JAG1: variants seen among roughly 807,000 people sequenced by gnomAD.
The protein encoded by JAG1 is protein jagged-1.
In JAG1, 23 loss-of-function variants were observed where a neutral mutation model predicts 148.7. That is an observed-to-expected ratio of 0.15 (90% CI 0.11 to 0.22). The LOEUF (loss-of-function observed/expected upper bound fraction) is 0.22. Among genes scored for constraint, JAG1 ranks in the 10% least tolerant of loss-of-function variants. The pLI is 1.00. For synonymous variants in JAG1, 572 were observed against 598.3 expected (o/e 0.96, Z 0.64); for missense variants, 1,054 against 1,611.2 (o/e 0.65, Z 5.92).
chr20:10,671,360 T>A lies in JAG1; in HGVS notation c.387+1341A>T, dbSNP rs1053285754. ...GCTTCACAGACAGCGTTGGTTTTAA[T>A]TTTTCTTTTTATAAACCCCTTTTCA... On this transcript the variant is annotated intron_variant, in intron 2 of 25. Transcript: ENST00000254958. Among the ~76,000 whole-genome samples the A allele has an allele frequency of 2.0e-5, 3 of 152,218 alleles. No homozygotes were observed. In the East Asian group the frequency reaches 5.8e-4, roughly 29 times the overall value.
chr20:10,656,066 C>T (rs905867987), intron 5 of JAG1, among the ~76,000 whole-genome samples: 5 of 152,144 alleles, frequency 3.3e-5, no homozygotes, highest in Non-Finnish European at 5.9e-5. Context: ...AGGAGAGAGA[C>T]GCAAAGAAAC....
chr20:10,649,150 G>C, intron 10 of JAG1, 43 bp from the exon 11 acceptor site: 1 of 1,335,828 alleles, frequency 7.5e-7, no homozygotes, highest in Non-Finnish European at 1.1e-6. Context: ...GTAATTTACA[G>C]TGAAATTGGG....
Position 10,672,678 on chromosome 20 carries a change from C to T in JAG1, c.387+23G>A, listed in dbSNP as rs370410457. ...GCGCGGGTGTGAGGCTCCGCCCGGC[C>T]TCCTTCCCGAGTAGTCACTCACCGG... is the stretch of plus-strand genomic sequence containing the variant. On this transcript the variant is annotated intron_variant, in intron 2 of 25. Coordinates refer to ENST00000254958, the MANE Select transcript of JAG1 (RefSeq NM_000214.3). 5.7e-5 allele frequency: 92 copies of T among 1,610,912 alleles called. No individual in the cohort carries two copies. In the African/African-American group the frequency reaches 1.1e-3, roughly 19 times the overall value.
At chr20:10,656,202 A>G (rs1279089564) in intron 5 of JAG1, among the ~76,000 whole-genome samples, 196 bp downstream of exon 5, 1 of 152,238 alleles carries the variant, frequency 6.6e-6, no homozygotes, top group Admixed American at 6.5e-5. Flanking sequence ...TTTTTATTCC[A>G]AGAGAGAAGT....
At position 10,644,380 on chromosome 20, in the gene JAG1, G is replaced by T; in HGVS notation, c.2349C>A (p.Thr783=). 6.2e-7 allele frequency: 1 copy of T among 1,612,900 alleles called. No individual in the cohort carries two copies. Among genetic ancestry groups the T allele is most frequent in the Non-Finnish European group, 8.5e-7 (1 of 1,179,140 alleles). Residue 783 remains threonine, a synonymous_variant, in exon 19 of 26, where the codon ACC becomes ACA. Transcript: ENST00000254958. ...GWEGPICAQN[T]NDCSPHPCYN... is the part of the protein sequence containing the mutation. ...ACCAGGGATGAGGGCTGCAGTCATT[G>T]GTATCTGCAAAGAAAAGACAACTTA...
At position 10,648,052 on chromosome 20, in the gene JAG1, C is replaced by G. The variant is rs544877858; in HGVS notation, c.1628G>C (p.Arg543Pro). 1 of 1,613,994 alleles carries G rather than the reference C, an allele frequency of 6.2e-7. No homozygotes were observed. The highest frequency in any genetic ancestry group is 8.5e-7 in the Non-Finnish European group (1 of 1,180,016). Residue 543 changes from arginine to proline, a missense_variant, in exon 13 of 26, where the codon CGT (arginine) becomes CCT (proline). By Grantham distance (103) the Arg-to-Pro change is moderately radical (BLOSUM62 -2). Around this residue, in one of 6 missense-constraint regions of JAG1, gnomAD observed 245 missense variants for 373.1 expected, o/e 0.66. Transcript: ENST00000254958. The part of the protein sequence containing the change: ...PCQNGAQCYN[R>P]ASDYFCKCPE... The stretch of plus-strand genomic sequence containing the variant: ...GCACTTGCAGAAATAGTCACTGGCA[C>G]GGTTGTAGCACTGGGCACCGTTCTG...
intron 3 of JAG1, among the ~76,000 whole-genome samples, chr20:10,660,235 C>T (rs952876481): frequency 6.6e-6 from 1 of 152,204 alleles, no homozygotes; most frequent in East Asian, 1.9e-4. Flanking sequence ...CTCTAGGGCT[C>T]TCAAACTGCT....
At chr20:10,644,282 A>T (rs368807351) in intron 19 of JAG1, 75 bp downstream of exon 19, 52,400 of 806,346 alleles carry the variant, frequency 0.065, 2,110 homozygotes, top group South Asian at 0.079. Context: ...ATTCTCACAC[A>T]CACACACACA....
At chr20:10,665,698 A>T (rs928010424) in intron 2 of JAG1, among the ~76,000 whole-genome samples, 1 of 152,190 alleles carries the variant, frequency 6.6e-6, no homozygotes, top group African/African-American at 2.4e-5. Context: ...CCACTTCAAC[A>T]GTATTGTTGT....
intron 7 of JAG1, 104 bp downstream of exon 7, chr20:10,652,027 C>G (rs1280116331): frequency 6.1e-6 from 8 of 1,310,354 alleles, no homozygotes; most frequent in Non-Finnish European, 8.8e-6. Context: ...TCTTTGGAAG[C>G]TATTTTCACT....
intron 5 of JAG1, among the ~76,000 whole-genome samples, chr20:10,652,896 C>T (rs1466300976): frequency 6.6e-6 from 1 of 152,042 alleles, no homozygotes; most frequent in Non-Finnish European, 1.5e-5. Context: ...AAGGTGAAGG[C>T]ATGGAATAAA....
Position 10,641,100 on chromosome 20 carries a change from GTCT to G in JAG1, c.3048+10_3048+12del, listed in dbSNP as rs2067267582. The G allele has an allele frequency of 6.2e-7, 1 of 1,614,058 alleles. No individual in the cohort carries two copies. Among genetic ancestry groups the G allele is most frequent in the African/African-American group, 1.3e-5 (1 of 75,050 alleles). ...CCATCGAATAATGAGGTGTGAATGGGTCTTATACTTACAATGGCCACATGTATT... is the reference window on the plus strand; with the variant it reads ...CCATCGAATAATGAGGTGTGAATGGGTATACTTACAATGGCCACATGTATT... On this transcript the variant is annotated intron_variant, in intron 24 of 25. Coordinates refer to ENST00000254958, the MANE Select transcript of JAG1 (RefSeq NM_000214.3).
intron 2 of JAG1, among the ~76,000 whole-genome samples, chr20:10,667,523 T>G (rs1239849463): frequency 6.6e-6 from 1 of 152,228 alleles, no homozygotes; most frequent in East Asian, 1.9e-4. Context: ...AGTCCATGTG[T>G]GGCGCATGCA....
rs1179488110 is a variant in JAG1 at position 10,672,800 on chromosome 20, T to C, written c.288A>G (p.Ser96=). 1.5e-5 allele frequency: 24 copies of C among 1,612,986 alleles called. No individual in the cohort carries two copies. The highest frequency in any genetic ancestry group is 9.9e-5 in the South Asian group (9 of 91,092). The part of the protein sequence containing the change: ...VTAGGPCSFG[S]GSTPVIGGNT... ...TGCCCCCGATGACAGGCGTGGACCC[T>C]GAGCCGAAGCTGCAGGGCCCCCCGG... The change falls in exon 2 of 26, where the codon TCA becomes TCG. Residue 96 remains serine, a synonymous_variant. Transcript: ENST00000254958.
In JAG1 at chr20:10,650,582, C is replaced by A; in HGVS notation, c.1121-222G>T. 3 of 542,878 alleles carry A rather than the reference C, an allele frequency of 5.5e-6. No homozygotes were observed. The South Asian group carries it at 6.0e-5, about 11-fold the overall frequency. 33.6% of individuals were successfully genotyped at this position (542,878 alleles called of 1,614,324 possible). On this transcript the variant is annotated intron_variant, in intron 8 of 25. Transcript: ENST00000254958. ...CAGTTCATGTAATCCCCAACCTAAG[C>A]AGTGGGGGAGAAAGACAGCTGGATA...
Position 10,648,027 on chromosome 20 carries a change from G to A in JAG1, c.1653C>T (p.Cys551=). The part of the protein sequence containing the change: ...YNRASDYFCK[C]PEDYEGKNCS... ...AGTTCTTGCCCTCATAGTCCTCGGG[G>A]CACTTGCAGAAATAGTCACTGGCAC... The change falls in exon 13 of 26, where the codon TGC becomes TGT. Residue 551 remains cysteine (C), a synonymous_variant. Transcript: ENST00000254958. 6.2e-7 allele frequency: 1 copy of A among 1,614,166 alleles called. No homozygotes were observed. Among genetic ancestry groups the A allele is most frequent in the South Asian group, 1.1e-5 (1 of 91,070 alleles).
chr20:10,651,208 TG>T, intron 8 of JAG1: 1 of 207,368 alleles, frequency 4.8e-6, no homozygotes, highest in South Asian at 9.4e-5. Flanking sequence ...GGTTCTTCTC[TG>T]GGGCCCCCTG....
Position 10,641,205 on chromosome 20 carries a change from A to T in JAG1, c.2956T>A (p.Leu986Met). Residue 986 changes from leucine (L) to methionine (M), a missense_variant, in exon 24 of 26, where the codon TTG becomes ATG. Physicochemically the swap from Leu to Met is conservative, Grantham distance 15. Around this residue, in one of 6 missense-constraint regions of JAG1, gnomAD observed 342 missense variants for 514.6 expected, o/e 0.66. Coordinates refer to ENST00000254958, the MANE Select transcript of JAG1 (RefSeq NM_000214.3). Reference protein sequence around the residue: ...TEHICSELRNLNILKNVSAEY... With the variant: ...TEHICSELRNMNILKNVSAEY... ...GCGGAAACATTCTTCAAAATATTCA[A>T]ATTCCTCAATTCACTGCAAATGTGC... 1 of 1,614,040 alleles carries T rather than the reference A, an allele frequency of 6.2e-7. No homozygotes were observed. Among genetic ancestry groups the T allele is most frequent in the Non-Finnish European group, 8.5e-7 (1 of 1,180,018 alleles).
chr20:10,658,681 T>C lies in JAG1; in HGVS notation c.481A>G (p.Ile161Val). The change falls in exon 4 of 26, where the codon ATC becomes GTC. Residue 161 changes from isoleucine (I) to valine (V), a missense_variant. By Grantham distance (29) the Ile-to-Val change is conservative. Coordinates refer to ENST00000254958, the MANE Select transcript of JAG1 (RefSeq NM_000214.3). ...GTCTGCCACTGCCGGCTGGGGTTGATCATGCCCGAGTGAGAAGCCTTTTCA... is the reference window on the plus strand; with the variant it reads ...GTCTGCCACTGCCGGCTGGGGTTGACCATGCCCGAGTGAGAAGCCTTTTCA... ...IIEKASHSGM[I>V]NPSRQWQTLK... 1 of 1,614,224 alleles carries C rather than the reference T, an allele frequency of 6.2e-7. No homozygotes were observed. The highest frequency in any genetic ancestry group is 2.2e-5 in the East Asian group (1 of 44,886).
Sources: gnomAD v4.1 joint callset for allele counts (sites outside exome capture counted in the v4.1 genomes callset) on GRCh38, gnomAD v4.1.1 for gene constraint, gnomAD v4.1.1 regional missense constraint, MANE v1.5 for transcripts, NCBI Gene and HGNC (gene_info 2026-07-23, HGNC 2026-07-21) for gene names.